KNDC1: variants seen among roughly 807,000 people sequenced by gnomAD.
KNDC1 encodes kinase non-catalytic C-lobe domain-containing protein 1.
Under a neutral mutation model 172.8 loss-of-function variants are expected in KNDC1, and 106 were observed. That is an observed-to-expected ratio of 0.61 (90% CI 0.52 to 0.72). The LOEUF is 0.72. KNDC1 is among the 30% of genes least tolerant of loss of function. The pLI, the probability that KNDC1 is intolerant of heterozygous loss-of-function variation, is 0.00. For synonymous variants in KNDC1, 1,083 were observed against 1,062.2 expected (o/e 1.02, Z -0.38); for missense variants, 2,325 against 2,394.5 (o/e 0.97, Z 0.61).
Position 133,215,651 on chromosome 10 carries a change from C to G in KNDC1, c.4677+1529C>G, listed in dbSNP as rs141860583. On this transcript the variant is annotated intron_variant, in intron 26 of 29. Transcript: ENST00000304613. ...ACAAGGACAGGTGGCTGTCACCTGG[C>G]CAACCCACATCGTCCTGGGCGCACC... is the stretch of plus-strand genomic sequence containing the variant. 2.6e-4 allele frequency among the ~76,000 whole-genome samples: 40 copies of G among 152,396 alleles called. No homozygotes were observed. In the East Asian group the frequency reaches 7.5e-3, roughly 29 times the overall value.
At chr10:133,184,787 G>A (rs1853843622) in intron 5 of KNDC1, among the ~76,000 whole-genome samples, 1 of 152,198 alleles carries the variant, frequency 6.6e-6, no homozygotes, top group African/African-American at 2.4e-5. Context: ...TGCCAGTGTG[G>A]CATTGGTGCC....
chr10:133,224,021 C>G lies in KNDC1; in HGVS notation c.5019-638C>G, dbSNP rs1845669284. Among the ~76,000 whole-genome samples the G allele has an allele frequency of 6.7e-6, 1 of 150,194 alleles. No individual in the cohort carries two copies. Among genetic ancestry groups the G allele is most frequent in the African/African-American group, 2.5e-5 (1 of 40,724 alleles). On this transcript the variant is annotated intron_variant, in intron 29 of 29. Coordinates refer to ENST00000304613, the MANE Select transcript of KNDC1 (RefSeq NM_152643.8). This position sits in a 1 kb window ranked among gnomAD's most constrained non-coding sequence, Gnocchi z 5.4. The stretch of plus-strand genomic sequence containing the variant: ...AGAGAGCCCATCCAGGCATGCTCTT[C>G]CCGGCGTGTGTGTGTGTGAGAGCCC...
At chr10:133,195,321 G>A (rs1854158707) in intron 9 of KNDC1, among the ~76,000 whole-genome samples, 1 of 152,232 alleles carries the variant, frequency 6.6e-6, no homozygotes, top group Non-Finnish European at 1.5e-5. Context: ...GGTCCGTGAG[G>A]TGGGGGCTAT....
chr10:133,170,923 G>A (rs1228394034), intron 3 of KNDC1, among the ~76,000 whole-genome samples: 1 of 151,810 alleles, frequency 6.6e-6, no homozygotes, highest in Non-Finnish European at 1.5e-5. Flanking sequence ...ATGCCGTCTC[G>A]GCATCATTAC....
intron 1 of KNDC1, chr10:133,167,034 G>A: frequency 2.7e-6 from 1 of 365,146 alleles, no homozygotes; most frequent in South Asian, 3.3e-5. Context: ...AGCCTCCACA[G>A]GCCAGTCCAG....
At chr10:133,169,212 G>A (rs2135949449) in intron 3 of KNDC1, among the ~76,000 whole-genome samples, 1 of 152,340 alleles carries the variant, frequency 6.6e-6, no homozygotes, top group Non-Finnish European at 1.5e-5. Context: ...TGTAATCCCA[G>A]CGCTCTGGGA....
intron 23 of KNDC1, among the ~76,000 whole-genome samples, chr10:133,212,156 A>G (rs1021113054): frequency 2.0e-5 from 3 of 150,500 alleles, no homozygotes; most frequent in Non-Finnish European, 4.4e-5. Context: ...ACAGCCATAC[A>G]TGCACTCGTG....
chr10:133,189,428 A>AC (rs1370585111), intron 7 of KNDC1, among the ~76,000 whole-genome samples, 170 bp from the exon 8 acceptor site: 17 of 151,878 alleles, frequency 1.1e-4, no homozygotes, highest in Admixed American at 1.1e-3. Context: ...AGCTCCGAGG[A>AC]CCCCGGGGGC....
rs1318250116 is a variant in KNDC1, at chr10:133,209,648, T to C, written c.3795-963T>C. Reference sequence around the variant, plus strand: ...CGTGAGTGTGAGTGCTGTGCTTCCATGGAAGGAGCGTCTCCTGGCCGTGAT... The same window carrying C: ...CGTGAGTGTGAGTGCTGTGCTTCCACGGAAGGAGCGTCTCCTGGCCGTGAT... On this transcript the variant is annotated intron_variant, in intron 20 of 29. Coordinates refer to ENST00000304613, the MANE Select transcript of KNDC1 (RefSeq NM_152643.8). This position sits in a 1 kb window ranked among gnomAD's most constrained non-coding sequence, Gnocchi z 4.9. Among the ~76,000 whole-genome samples, 1 of 152,028 alleles carries C rather than the reference T, an allele frequency of 6.6e-6. No homozygotes were observed. The highest frequency in any genetic ancestry group is 2.4e-5 in the African/African-American group (1 of 41,350).
intron 4 of KNDC1, 57 bp downstream of exon 4, chr10:133,183,547 A>T (rs1232898507): frequency 1.2e-5 from 18 of 1,520,584 alleles, no homozygotes; most frequent in Non-Finnish European, 1.5e-5. Context: ...ACAGGCCTGG[A>T]CACCGTGTGC....
rs773801939 is a variant in KNDC1, at chr10:133,214,106, C to T, written c.4661C>T (p.Thr1554Ile). 1.2e-6 allele frequency: 2 copies of T among 1,614,066 alleles called. No homozygotes were observed. The highest frequency in any genetic ancestry group is 2.2e-5 in the South Asian group (2 of 91,090). Reference sequence around the variant, plus strand: ...ACCTGGGTGGCTGCAGAGATTGTGACCAGCCACACCTCCAAGGTGGGCACC... The same window carrying T: ...ACCTGGGTGGCTGCAGAGATTGTGATCAGCCACACCTCCAAGGTGGGCACC... Reference protein sequence around the residue: ...VSTWVAAEIVTSHTSKLQVNL... With the variant: ...VSTWVAAEIVISHTSKLQVNL... Residue 1554 changes from threonine (T) to isoleucine (I), a missense_variant, in exon 26 of 30, where the codon ACC becomes ATC. Transcript: ENST00000304613.
Position 133,195,686 on chromosome 10 carries a change from C to T in KNDC1, c.1599C>T (p.Ala533=), listed in dbSNP as rs762820137. The T allele has an allele frequency of 2.1e-5, 34 of 1,612,000 alleles. No homozygotes were observed. Among genetic ancestry groups the T allele is most frequent in the Middle Eastern group, 1.7e-4 (1 of 6,056 alleles). ...TEKASVYCVA[A]VLWTAAKFSV... is the part of the protein sequence containing the mutation. ...AGGCCTCTGTGTACTGTGTGGCCGC[C>T]GTTCTGTGGACCGCAGCCAAGTTCA... is the stretch of plus-strand genomic sequence containing the variant. The change falls in exon 10 of 30, where the codon GCC becomes GCT. Residue 533 remains alanine (A), a synonymous_variant. Coordinates refer to ENST00000304613, the MANE Select transcript of KNDC1 (RefSeq NM_152643.8).
At position 133,224,885 on chromosome 10, in the gene KNDC1, C is replaced by A; in HGVS notation, c.5245C>A (p.Gln1749Lys). The change falls in exon 30 of 30, where the codon CAG (glutamine) becomes AAG (lysine). Residue 1749 changes from glutamine to lysine, a missense_variant. By Grantham distance (53) the Gln-to-Lys change is moderately conservative. Transcript: ENST00000304613. This position sits in a 1 kb window ranked among gnomAD's most constrained non-coding sequence, Gnocchi z 5.4. ...GCTACGGAGGATGAAGGCTACATTC[C>A]AGTAGCCGAGCTCGGGCCTGGTGTG... ...DKLRRMKATFQ is the reference protein window; with the variant it reads ...DKLRRMKATFK 6.2e-7 allele frequency: 1 copy of A among 1,609,778 alleles called. No individual in the cohort carries two copies. Among genetic ancestry groups the A allele is most frequent in the Non-Finnish European group, 8.5e-7 (1 of 1,176,584 alleles).
At chr10:133,160,623 G>C in intron 1 of KNDC1, 54 bp downstream of exon 1, 1 of 1,322,398 alleles carries the variant, frequency 7.6e-7, no homozygotes, top group Non-Finnish European at 1.0e-6. Context: ...GGTCCGCGGA[G>C]AGCGCCCGGG....
At chr10:133,215,109 G>A (rs1164181267) in intron 26 of KNDC1, among the ~76,000 whole-genome samples, 2 of 152,166 alleles carry the variant, frequency 1.3e-5, no homozygotes, top group African/African-American at 4.8e-5. Flanking sequence ...AGGATTACAG[G>A]GCCCCTTCCC....
In KNDC1 at chr10:133,210,716, G is replaced by A. The variant is rs756781058; in HGVS notation, c.3900G>A (p.Thr1300=). 11 of 1,612,316 alleles carry A rather than the reference G, an allele frequency of 6.8e-6. No individual in the cohort carries two copies. Among genetic ancestry groups the A allele is most frequent in the South Asian group, 3.3e-5 (3 of 91,048 alleles). ...LHFLLDRINS[T]LTRAHQDPTS... is the part of the protein sequence containing the mutation. Reference sequence around the variant, plus strand: ...TCCTCCTCGACCGCATCAACAGCACGCTGACCAGGTACCAAGCTCCACAGC... The same window carrying A: ...TCCTCCTCGACCGCATCAACAGCACACTGACCAGGTACCAAGCTCCACAGC... The change falls in exon 21 of 30, where the codon ACG becomes ACA. Residue 1300 remains threonine (T), a synonymous_variant. Coordinates refer to ENST00000304613, the MANE Select transcript of KNDC1 (RefSeq NM_152643.8).
intron 26 of KNDC1, among the ~76,000 whole-genome samples, chr10:133,215,774 C>T (rs1162361608): frequency 6.6e-6 from 1 of 152,252 alleles, no homozygotes; most frequent in Non-Finnish European, 1.5e-5. Flanking sequence ...TCCGGGATGG[C>T]CGCTCGTCCT....
At chr10:133,211,386 C>T (rs767102904) in intron 21 of KNDC1, 36 bp from the exon 22 acceptor site, 11 of 1,600,376 alleles carry the variant, frequency 6.9e-6, no homozygotes, top group East Asian at 6.7e-5. Context: ...CCGACTCCCA[C>T]ATCCTGGCAG....
chr10:133,205,918 C>T (rs1845175385), intron 17 of KNDC1, among the ~76,000 whole-genome samples: 1 of 152,050 alleles, frequency 6.6e-6, no homozygotes, highest in Non-Finnish European at 1.5e-5. Context: ...AAATAAAAAA[C>T]GGCCAGGCGT....
Sources: allele counts gnomAD v4.1 joint callset (sites outside exome capture counted in the v4.1 genomes callset), GRCh38; gene constraint gnomAD v4.1.1; non-coding constraint Gnocchi (gnomAD v3.1); transcripts MANE v1.5; gene names NCBI Gene and HGNC (gene_info 2026-07-23, HGNC 2026-07-21).